SLC25A21: variants seen among roughly 807,000 people sequenced by gnomAD.
The protein encoded by SLC25A21 is mitochondrial 2-oxodicarboxylate carrier.
A neutral mutation model predicts 43.8 loss-of-function variants in SLC25A21; 47 were observed. That is an observed-to-expected ratio of 1.07 (90% CI 0.85 to 1.37). The LOEUF is 1.37. SLC25A21 is among the 40% of genes most tolerant of loss of function. The pLI is 0.00. For synonymous variants in SLC25A21, 131 were observed against 121.3 expected, an observed-to-expected ratio of 1.08 and a Z score of -0.52; for missense variants, 352 against 350.2, an observed-to-expected ratio of 1.00 and a Z score of -0.04.
At chr14:36,702,579 T>G (rs752521389) in intron 7 of SLC25A21, among the ~76,000 whole-genome samples, 1 of 152,058 alleles carries the variant, frequency 6.6e-6, no homozygotes, top group Non-Finnish European at 1.5e-5. Flanking sequence ...TTAGAATACT[T>G]GTTTATAAAT....
intron 6 of SLC25A21, among the ~76,000 whole-genome samples, chr14:36,713,120 C>T (rs556822793): frequency 2.0e-5 from 3 of 152,318 alleles, no homozygotes; most frequent in South Asian, 4.2e-4. Flanking sequence ...TCTCCATCCT[C>T]ACTCCTCTGA....
At chr14:36,748,628 G>C (rs1479341110) in intron 3 of SLC25A21, among the ~76,000 whole-genome samples, 1 of 152,172 alleles carries the variant, frequency 6.6e-6, no homozygotes, top group Non-Finnish European at 1.5e-5. Context: ...GATAAACTAA[G>C]TAGGATTCAA....
At chr14:36,992,753 G>A (rs1960291832) in intron 1 of SLC25A21, among the ~76,000 whole-genome samples, 1 of 152,174 alleles carries the variant, frequency 6.6e-6, no homozygotes, top group East Asian at 1.9e-4. Flanking sequence ...TATAGGGGCT[G>A]TGTTATCAAT....
At chr14:36,832,896 G>GT (rs1391925839) in intron 2 of SLC25A21, among the ~76,000 whole-genome samples, 2 of 152,028 alleles carry the variant, frequency 1.3e-5, no homozygotes, top group Admixed American at 6.5e-5. Context: ...AAAGAATATT[G>GT]TATCAGATTC....
chr14:37,073,750 G>A (rs1287165571), intron 1 of SLC25A21, among the ~76,000 whole-genome samples: 3 of 152,010 alleles, frequency 2.0e-5, no homozygotes, highest in African/African-American at 7.2e-5. Context: ...TGCTCTGCCA[G>A]GCACTCTGGT....
intron 1 of SLC25A21, among the ~76,000 whole-genome samples, chr14:37,069,038 A>G (rs998839941): frequency 5.3e-5 from 8 of 152,020 alleles, no homozygotes; most frequent in African/African-American, 1.7e-4. Context: ...TTAGCCGGGC[A>G]TGGTGGCAGG....
intron 1 of SLC25A21, among the ~76,000 whole-genome samples, chr14:37,041,744 G>A (rs1961477103): frequency 3.9e-5 from 6 of 152,162 alleles, no homozygotes; most frequent in Admixed American, 3.9e-4. Context: ...AATTCAGACA[G>A]AACATCTTGC....
chr14:36,771,928 C>A (rs1308004441), intron 3 of SLC25A21, among the ~76,000 whole-genome samples: 1 of 152,164 alleles, frequency 6.6e-6, no homozygotes, highest in East Asian at 1.9e-4. Context: ...GGTGTCTGGG[C>A]TCATTGGGCC....
chr14:36,756,383 T>C (rs1042775315), intron 3 of SLC25A21, among the ~76,000 whole-genome samples: 2 of 152,188 alleles, frequency 1.3e-5, no homozygotes, highest in Non-Finnish European at 2.9e-5. Flanking sequence ...AGATGCATAA[T>C]TGAAGATGCA....
At chr14:36,993,550 A>G (rs1337669806) in intron 1 of SLC25A21, among the ~76,000 whole-genome samples, 2 of 152,132 alleles carry the variant, frequency 1.3e-5, no homozygotes, top group African/African-American at 4.8e-5. Flanking sequence ...TATCATTAAA[A>G]CTAGAATTAA....
intron 1 of SLC25A21, among the ~76,000 whole-genome samples, chr14:36,905,756 A>C (rs748210362): frequency 6.6e-6 from 1 of 152,208 alleles, no homozygotes; most frequent in Non-Finnish European, 1.5e-5. Flanking sequence ...AGGCAAATGA[A>C]GGACATCTGA....
intron 3 of SLC25A21, among the ~76,000 whole-genome samples, chr14:36,741,904 T>G (rs368882844): frequency 2.0e-5 from 3 of 152,256 alleles, no homozygotes; most frequent in African/African-American, 7.2e-5. Flanking sequence ...ACATTTTATT[T>G]TGTTTCAACA....
chr14:37,067,115 A>G (rs1962076803), intron 1 of SLC25A21, among the ~76,000 whole-genome samples: 1 of 152,162 alleles, frequency 6.6e-6, no homozygotes, highest in South Asian at 2.1e-4. Flanking sequence ...AGAAGAAGAG[A>G]AGAAAAATAA....
At chr14:36,712,349 C>G (rs185993740) in intron 6 of SLC25A21, among the ~76,000 whole-genome samples, 1 of 142,904 alleles carries the variant, frequency 7.0e-6, no homozygotes, top group East Asian at 2.0e-4. Context: ...CTGTTCAGTG[C>G]TTTTTTTTTT....
chr14:36,759,562 A>G (rs1167819539), intron 3 of SLC25A21: 1 of 152,224 alleles, frequency 6.6e-6, no homozygotes, highest in Non-Finnish European at 1.5e-5. Context: ...GATCTCATTT[A>G]TGTCTTACAG....
chr14:37,129,152 C>T lies in SLC25A21; in HGVS notation c.70+43129G>A, dbSNP rs377098167. ...AGTGCTGGGTTAGAGGGATGAGATA[C>T]GAGAACTATCACTTCCGTTTAAAGA... On this transcript the variant is annotated intron_variant, in intron 1 of 9. Coordinates refer to ENST00000331299, the MANE Select transcript of SLC25A21 (RefSeq NM_030631.4). Among the ~76,000 whole-genome samples, 9 of 152,236 alleles carry T rather than the reference C, an allele frequency of 5.9e-5. No individual in the cohort carries two copies. The East Asian group carries it at 1.4e-3, about 23-fold the overall frequency.
At chr14:37,028,850 G>A (rs57372401) in intron 1 of SLC25A21, among the ~76,000 whole-genome samples, 9,227 of 152,034 alleles carry the variant, frequency 0.061, 817 homozygotes, top group African/African-American at 0.2. Context: ...TAAAGCCCAG[G>A]GAAAAGTCTC....
chr14:36,698,997 A>G (rs1398208299), intron 7 of SLC25A21, among the ~76,000 whole-genome samples: 1 of 152,108 alleles, frequency 6.6e-6, no homozygotes, highest in Non-Finnish European at 1.5e-5. Context: ...GAGGAGTAGA[A>G]GCACTCTGAT....
chr14:36,974,085 A>T (rs995535306), intron 1 of SLC25A21, among the ~76,000 whole-genome samples: 1 of 152,188 alleles, frequency 6.6e-6, no homozygotes, highest in Non-Finnish European at 1.5e-5. Flanking sequence ...AATTGAGTAG[A>T]AGTGAAATAA....
Sources: allele counts gnomAD v4.1 joint callset (sites outside exome capture counted in the v4.1 genomes callset), GRCh38; gene constraint gnomAD v4.1.1; transcripts MANE v1.5; gene names NCBI Gene and HGNC (gene_info 2026-07-23, HGNC 2026-07-21).